The following EAF2 variants were observed in gnomAD, a reference collection of about 807,000 sequenced individuals.
EAF2 encodes ELL-associated factor 2.
Under a neutral mutation model 29.4 loss-of-function variants are expected in EAF2, and 29 were observed. That is an observed-to-expected ratio of 0.99 (90% CI 0.73 to 1.35). The LOEUF (loss-of-function observed/expected upper bound fraction) is 1.35, where lower values mean the gene tolerates loss of function less well. Among genes scored for constraint, EAF2 ranks in the 40% most tolerant of loss-of-function variants. The pLI, the probability that EAF2 is intolerant of heterozygous loss-of-function variation, is 0.00. For missense variants in EAF2, 292 were observed against 312.0 expected, an observed-to-expected ratio of 0.94 and a Z score of 0.48; for synonymous variants, 103 against 102.5, an observed-to-expected ratio of 1.00 and a Z score of -0.03.
chr3:121,870,048 T>C (rs538356432), intron 4 of EAF2, among the ~76,000 whole-genome samples: 1 of 152,066 alleles, frequency 6.6e-6, no homozygotes, highest in Admixed American at 6.5e-5. Flanking sequence ...AAATTAGTAA[T>C]TAAAAAGCAC....
chr3:121,841,575 T>C (rs1240893922), intron 1 of EAF2, among the ~76,000 whole-genome samples: 1 of 96,028 alleles, frequency 1.0e-5, no homozygotes, highest in South Asian at 3.3e-4. Context: ...TAGAAAGAAA[T>C]AGATAGTTGA....
Position 121,872,701 on chromosome 3 carries a change from C to T in EAF2, c.649C>T (p.Pro217Ser), listed in dbSNP as rs775387376. ...SDTGNCVSGH[P>S]TMTQYRIPDI... The stretch of plus-strand genomic sequence containing the variant: ...TACAGGGAATTGTGTCTCAGGACAT[C>T]CTACCATGACACAGTACAGGATTCC... Residue 217 changes from proline (P) to serine (S), a missense_variant, in exon 5 of 6, where the codon CCT (proline) becomes TCT (serine). By Grantham distance (74) the Pro-to-Ser change is moderately conservative. Coordinates refer to ENST00000273668, the MANE Select transcript of EAF2 (RefSeq NM_018456.6). The T allele has an allele frequency of 2.5e-6, 4 of 1,612,720 alleles. No individual in the cohort carries two copies. The South Asian group carries it at 3.3e-5, about 13-fold the overall frequency.
intron 4 of EAF2, among the ~76,000 whole-genome samples, chr3:121,862,076 C>T (rs531644996): frequency 5.7e-4 from 87 of 152,244 alleles, no homozygotes; most frequent in African/African-American, 1.9e-3. Context: ...GTGGGTAACC[C>T]GACCTTTCTC....
intron 1 of EAF2, chr3:121,837,551 C>T (rs1286371885): frequency 6.6e-6 from 1 of 151,958 alleles, no homozygotes; most frequent in East Asian, 1.9e-4. Flanking sequence ...TTTCTTATGG[C>T]TAAAAGATAA....
At chr3:121,853,413 C>T (rs114328773) in intron 2 of EAF2, among the ~76,000 whole-genome samples, 1,559 of 152,118 alleles carry the variant, frequency 0.01, 19 homozygotes, top group African/African-American at 0.035. Context: ...TCTTCTCCAC[C>T]CCTTTTTTAA....
chr3:121,866,308 C>A (rs1006998053), intron 4 of EAF2, among the ~76,000 whole-genome samples: 2 of 152,134 alleles, frequency 1.3e-5, no homozygotes, highest in African/African-American at 4.8e-5. Flanking sequence ...CTACAGCCCA[C>A]AACAGTAGGC....
chr3:121,875,769 T>C (rs1054072335), intron 5 of EAF2, among the ~76,000 whole-genome samples: 1 of 151,780 alleles, frequency 6.6e-6, no homozygotes, highest in African/African-American at 2.4e-5. Context: ...TAATAGATTA[T>C]AAAAAAGAAT....
intron 1 of EAF2, 118 bp downstream of exon 1, chr3:121,835,509 G>C (rs972721613): frequency 1.4e-5 from 12 of 878,458 alleles, no homozygotes; most frequent in African/African-American, 3.3e-5. Context: ...ACTACGGGGC[G>C]GGGAGGGGGG....
intron 3 of EAF2, 58 bp downstream of exon 3, chr3:121,854,881 A>AG: frequency 7.1e-7 from 1 of 1,415,444 alleles, no homozygotes; most frequent in Non-Finnish European, 9.4e-7. Context: ...GGAAATGTCA[A>AG]TAAAAAATTT....
At chr3:121,841,504 C>CAAAAAAAAAAAA (rs57868658) in intron 1 of EAF2, among the ~76,000 whole-genome samples, 38 of 25,970 alleles carry the variant, frequency 1.5e-3, no homozygotes, top group African/African-American at 2.2e-3. Flanking sequence ...GACCCTGTCT[C>CAAAAAAAAAAAA]AAAAAAAAAA....
In EAF2 at chr3:121,874,573, T is replaced by C. The variant is rs189351131; in HGVS notation, c.736+1785T>C. ...TTATTAGCTATGTAACTAATAACAC[T>C]ACACTTAACTTTCTTGTAACTTCAG... On this transcript the variant is annotated intron_variant, in intron 5 of 5. Transcript: ENST00000273668. Among the ~76,000 whole-genome samples the C allele has an allele frequency of 7.2e-5, 11 of 152,082 alleles. No homozygotes were observed. In the East Asian group the frequency reaches 2.1e-3, roughly 29 times the overall value.
chr3:121,841,519 A>G (rs1708428160), intron 1 of EAF2, among the ~76,000 whole-genome samples: 1 of 73,962 alleles, frequency 1.4e-5, no homozygotes, highest in African/African-American at 5.2e-5. Flanking sequence ...AAAAAAAAAA[A>G]AAAAAAAAAA....
chr3:121,876,777 C>G (rs1238940586), intron 5 of EAF2, among the ~76,000 whole-genome samples: 1 of 151,234 alleles, frequency 6.6e-6, no homozygotes, highest in Non-Finnish European at 1.5e-5. Context: ...GTGGGAAAAC[C>G]AGGGAACATA....
At chr3:121,876,846 C>G (rs1709106558) in intron 5 of EAF2, among the ~76,000 whole-genome samples, 1 of 151,272 alleles carries the variant, frequency 6.6e-6, no homozygotes, top group Non-Finnish European at 1.5e-5. Context: ...ATTGATCAAC[C>G]CAAAACAGAA....
intron 5 of EAF2, among the ~76,000 whole-genome samples, chr3:121,884,771 T>G (rs1432160521): frequency 2.0e-5 from 3 of 152,216 alleles, no homozygotes. Flanking sequence ...CTGCAGTTCA[T>G]GCAAAAGACT....
At chr3:121,842,197 AATT>A (rs1448868732) in intron 1 of EAF2, among the ~76,000 whole-genome samples, 3 of 152,082 alleles carry the variant, frequency 2.0e-5, no homozygotes, top group Admixed American at 6.5e-5. Context: ...AAATAATAAT[AATT>A]AATAAAGTTG....
intron 5 of EAF2, among the ~76,000 whole-genome samples, chr3:121,885,116 C>T (rs1709262148): frequency 6.6e-6 from 1 of 152,190 alleles, no homozygotes; most frequent in Non-Finnish European, 1.5e-5. Context: ...TCTTCTACAA[C>T]CATGTTCCTC....
At chr3:121,875,609 A>T (rs1709081898) in intron 5 of EAF2, among the ~76,000 whole-genome samples, 2 of 152,040 alleles carry the variant, frequency 1.3e-5, no homozygotes, top group Admixed American at 1.3e-4. Flanking sequence ...TAACAGTTAG[A>T]GCAGGGATTC....
intron 4 of EAF2, among the ~76,000 whole-genome samples, chr3:121,868,462 G>A (rs1482448712): frequency 1.3e-5 from 2 of 152,094 alleles, no homozygotes; most frequent in Non-Finnish European, 2.9e-5. Flanking sequence ...AGCCAAGCAC[G>A]GTGGCACGCA....
Sources: allele counts gnomAD v4.1 joint callset (sites outside exome capture counted in the v4.1 genomes callset), GRCh38; gene constraint gnomAD v4.1.1; transcripts MANE v1.5; gene names NCBI Gene and HGNC (gene_info 2026-07-23, HGNC 2026-07-21).